The following NRG1 variants were observed in gnomAD, a reference collection of about 807,000 sequenced individuals.
NRG1 encodes the protein pro-neuregulin-1, membrane-bound isoform.
NRG1 carries 18 observed loss-of-function variants against 63.8 expected under a neutral mutation model. That is an observed-to-expected ratio of 0.28 (90% CI 0.19 to 0.42). The LOEUF (loss-of-function observed/expected upper bound fraction) is 0.42, where lower values mean the gene tolerates loss of function less well. Ranked by LOEUF, NRG1 falls within the 10% of genes least tolerant of loss-of-function variation. The pLI, the probability that NRG1 is intolerant of heterozygous loss-of-function variation, is 1.00. For synonymous variants in NRG1, 302 were observed against 301.3 expected, an observed-to-expected ratio of 1.00 and a Z score of -0.02; for missense variants, 762 against 814.7, an observed-to-expected ratio of 0.94 and a Z score of 0.79.
At chr8:32,151,484 G>A (rs538362876) in intron 1 of NRG1, among the ~76,000 whole-genome samples, 4 of 152,160 alleles carry the variant, frequency 2.6e-5, no homozygotes, top group Non-Finnish European at 2.9e-5. Context: ...TGGGATTGAG[G>A]TGAGGTGGGG....
chr8:31,926,246 T>C (rs1361260394), intron 1 of NRG1, among the ~76,000 whole-genome samples: 2 of 152,118 alleles, frequency 1.3e-5, no homozygotes, highest in East Asian at 1.9e-4. Flanking sequence ...GGGCCTTTTT[T>C]CTTTATAGGT....
At chr8:32,343,108 C>T (rs1025564691) in intron 1 of NRG1, among the ~76,000 whole-genome samples, 5 of 152,046 alleles carry the variant, frequency 3.3e-5, no homozygotes, top group Non-Finnish European at 5.9e-5. Context: ...TGCATTATGC[C>T]GAAGAGCTAG....
chr8:31,813,602 A>ATC (rs376442369), intron 1 of NRG1, among the ~76,000 whole-genome samples: 1 of 149,288 alleles, frequency 6.7e-6, no homozygotes, highest in African/African-American at 2.5e-5. Context: ...GCTTACTGCA[A>ATC]TCTCAACCTC....
chr8:32,177,083 G>A (rs1840846093), intron 1 of NRG1, among the ~76,000 whole-genome samples: 1 of 152,122 alleles, frequency 6.6e-6, no homozygotes, highest in African/African-American at 2.4e-5. Context: ...CAAGTGAAAT[G>A]CCCAACAATG....
chr8:32,504,969 G>A (rs565718388), intron 1 of NRG1, among the ~76,000 whole-genome samples: 16 of 152,240 alleles, frequency 1.1e-4, no homozygotes, highest in African/African-American at 3.9e-4. Context: ...CAAAGAGATG[G>A]CCCTCAGGTC....
chr8:32,576,517 A>G lies in NRG1; in HGVS notation c.101-19311A>G, dbSNP rs1010766041. Among the ~76,000 whole-genome samples the G allele has an allele frequency of 2.6e-5, 4 of 152,184 alleles. No individual in the cohort carries two copies. In the East Asian group the frequency reaches 5.8e-4, roughly 22 times the overall value. ...GTGAAATTAAGTCTCAATTCCCTAT[A>G]ATTTACCCAGGGCAATAAATCTTAA... On this transcript the variant is annotated intron_variant, in intron 1 of 11. Transcript: ENST00000356819.
intron 1 of NRG1, among the ~76,000 whole-genome samples, chr8:31,919,867 A>T (rs1833754332): frequency 6.6e-6 from 1 of 152,146 alleles, no homozygotes; most frequent in African/African-American, 2.4e-5. Flanking sequence ...ACTAAGTGTC[A>T]TGGGGTAGAA....
At chr8:32,568,234 C>T (rs77544541) in intron 1 of NRG1, among the ~76,000 whole-genome samples, 2 of 152,114 alleles carry the variant, frequency 1.3e-5, no homozygotes, top group Admixed American at 6.6e-5. Flanking sequence ...CCATAAATCT[C>T]GAAGTGCTCG....
chr8:32,380,611 C>T (rs1810229748), intron 1 of NRG1, among the ~76,000 whole-genome samples: 1 of 152,154 alleles, frequency 6.6e-6, no homozygotes, highest in South Asian at 2.1e-4. Context: ...TGTGCTTCTA[C>T]ATCTCAGTAA....
At chr8:32,310,555 T>TA (rs1856702573) in intron 1 of NRG1, among the ~76,000 whole-genome samples, 1 of 152,216 alleles carries the variant, frequency 6.6e-6, no homozygotes, top group Non-Finnish European at 1.5e-5. Flanking sequence ...CCAGGCAACT[T>TA]ACCATACAGC....
At chr8:31,841,372 T>TG (rs990556769) in intron 1 of NRG1, among the ~76,000 whole-genome samples, 4 of 151,988 alleles carry the variant, frequency 2.6e-5, no homozygotes, top group African/African-American at 7.2e-5. Flanking sequence ...TGCTAAGTCA[T>TG]GGGGGGTCTT....
chr8:31,736,676 A>G (rs1400418257), intron 1 of NRG1, among the ~76,000 whole-genome samples: 1 of 149,590 alleles, frequency 6.7e-6, no homozygotes, highest in Admixed American at 6.6e-5. Context: ...AAAATACAAT[A>G]GATTGAACTA....
chr8:32,543,751 C>T (rs555572552), upstream of NRG1, among the ~76,000 whole-genome samples: 10 of 152,208 alleles, frequency 6.6e-5, no homozygotes, highest in South Asian at 8.3e-4. Context: ...TGAACATTGC[C>T]TTTTAGCATT....
At chr8:31,841,102 A>C (rs777693273) in intron 1 of NRG1, among the ~76,000 whole-genome samples, 2 of 152,186 alleles carry the variant, frequency 1.3e-5, no homozygotes, top group African/African-American at 4.8e-5. Context: ...TAAAGTTACT[A>C]TACTTTGCCT....
chr8:32,686,789 A>G (rs2128927381), intron 5 of NRG1, among the ~76,000 whole-genome samples: 1 of 152,338 alleles, frequency 6.6e-6, no homozygotes, highest in Middle Eastern at 3.4e-3. Context: ...TGAGAATGTC[A>G]GTGATGACTC....
intron 1 of NRG1, among the ~76,000 whole-genome samples, chr8:31,722,432 ACT>A (rs1813013807): frequency 6.6e-6 from 1 of 151,950 alleles, no homozygotes. Context: ...ATTATTGTTC[ACT>A]GTCCTTCCAC....
At chr8:32,493,439 T>C (rs1388441373) in intron 1 of NRG1, among the ~76,000 whole-genome samples, 5 of 152,206 alleles carry the variant, frequency 3.3e-5, no homozygotes, top group Admixed American at 1.3e-4. Flanking sequence ...TTGAATTATT[T>C]CTTCTTTGTT....
intron 1 of NRG1, among the ~76,000 whole-genome samples, chr8:32,007,075 T>C (rs1184632884): frequency 6.6e-6 from 1 of 152,044 alleles, no homozygotes; most frequent in Non-Finnish European, 1.5e-5. Context: ...TCCTCTTGTT[T>C]TGATTTAAAT....
chr8:32,535,968 A>AT (rs1443901150), intron 1 of NRG1, among the ~76,000 whole-genome samples: 1 of 152,022 alleles, frequency 6.6e-6, no homozygotes, highest in Non-Finnish European at 1.5e-5. Flanking sequence ...CCTATTTATC[A>AT]TTTTTCTCCT....
Sources: allele counts gnomAD v4.1 joint callset (sites outside exome capture counted in the v4.1 genomes callset), GRCh38; gene constraint gnomAD v4.1.1; transcripts MANE v1.5; gene names NCBI Gene and HGNC (gene_info 2026-07-23, HGNC 2026-07-21).